Variants in MINDY4B observed in about 807,000 individuals in gnomAD.
MINDY4B encodes the protein MINDY family member 4B.
MINDY4B carries 25 observed loss-of-function variants against 16.7 expected under a neutral mutation model. The ratio of observed to expected loss-of-function variants is 1.49; its 90% CI spans 1.09 to 2.09. The LOEUF is 2.09. Among genes scored for constraint, MINDY4B ranks in the 30% most tolerant of loss-of-function variants. The probability of loss-of-function intolerance (pLI) is 0.00; values close to 1 mark genes in which losing one functional copy is unlikely to be tolerated. For missense variants in MINDY4B, 327 were observed against 168.4 expected, an observed-to-expected ratio of 1.94 and a Z score of -5.21; for synonymous variants, 132 against 61.9, an observed-to-expected ratio of 2.13 and a Z score of -5.32.
intron 7 of MINDY4B, among the ~76,000 whole-genome samples, chr3:150,889,568 C>T (rs1009391773): frequency 1.3e-5 from 2 of 152,074 alleles, no homozygotes; most frequent in Admixed American, 6.5e-5. Flanking sequence ...GTTTGGACTT[C>T]TTTAGGGGGA....
Position 150,873,172 on chromosome 3 carries a change from G to A in MINDY4B, c.1240+15C>T. 1.4e-6 allele frequency: 1 copy of A among 699,632 alleles called. No homozygotes were observed. The highest frequency in any genetic ancestry group is 1.7e-5 in the African/African-American group (1 of 57,194). 43.3% of individuals were successfully genotyped at this position (699,632 alleles called of 1,614,324 possible). On this transcript the variant is annotated intron_variant, in intron 11 of 11. Coordinates refer to ENST00000465419, the MANE Select transcript of MINDY4B (RefSeq NM_001351281.2). The stretch of plus-strand genomic sequence containing the variant: ...CACATTAAAATCCACAACACCTGGA[G>A]TCTGAAATGCTCACCTATTGTAAGA...
intron 10 of MINDY4B, among the ~76,000 whole-genome samples, chr3:150,881,950 A>G (rs1711527744): frequency 6.6e-6 from 1 of 152,178 alleles, no homozygotes; most frequent in African/African-American, 2.4e-5. Context: ...ATGAAGCCCT[A>G]TATACATGAA....
intron 10 of MINDY4B, among the ~76,000 whole-genome samples, chr3:150,879,479 A>G (rs1202047495): frequency 6.6e-6 from 1 of 152,174 alleles, no homozygotes; most frequent in Non-Finnish European, 1.5e-5. Context: ...CTGCTCTGGA[A>G]CAGAGGTTTC....
chr3:150,892,654 AG>A (rs1711846615), intron 5 of MINDY4B, among the ~76,000 whole-genome samples: 1 of 152,072 alleles, frequency 6.6e-6, no homozygotes, highest in Non-Finnish European at 1.5e-5. Flanking sequence ...CTGGTTAAAT[AG>A]GAGGATTGGC....
rs111597680 is a variant in MINDY4B at position 150,894,200 on chromosome 3, G to T, written c.415C>A (p.Leu139Met). Reference protein sequence around the residue: ...HDPSSELAFTLEVGKGGARSI... With the variant: ...HDPSSELAFTMEVGKGGARSI... ...CTGGCTATTACCTTTCCCACTTCCAGAGTGAAAGCTAGTTCAGAAGAAGGA... is the reference window on the plus strand; with the variant it reads ...CTGGCTATTACCTTTCCCACTTCCATAGTGAAAGCTAGTTCAGAAGAAGGA... The change falls in exon 4 of 12, where the codon CTG (leucine) becomes ATG (methionine). Residue 139 changes from leucine to methionine, a missense_variant. Physicochemically the swap from Leu to Met is conservative, Grantham distance 15. Coordinates refer to ENST00000465419, the MANE Select transcript of MINDY4B (RefSeq NM_001351281.2). 2 of 695,956 alleles carry T rather than the reference G, an allele frequency of 2.9e-6. No homozygotes were observed. Among genetic ancestry groups the T allele is most frequent in the African/African-American group, 1.8e-5 (1 of 56,818 alleles). 43.1% of individuals were successfully genotyped at this position (695,956 alleles called of 1,614,324 possible).
chr3:150,878,312 T>C (rs1559964416), intron 10 of MINDY4B, among the ~76,000 whole-genome samples: 2 of 152,232 alleles, frequency 1.3e-5, no homozygotes, highest in Non-Finnish European at 2.9e-5. Context: ...TGAGCTGATA[T>C]GAAAAAGCAC....
intron 3 of MINDY4B, among the ~76,000 whole-genome samples, chr3:150,896,303 T>C (rs994098962): frequency 7.9e-5 from 12 of 152,172 alleles, no homozygotes; most frequent in African/African-American, 2.7e-4. Context: ...TTTCCTTACA[T>C]TGGGCTTCAC....
At position 150,870,802 on chromosome 3, in the gene MINDY4B, A is replaced by G. The variant is rs1232742287; in HGVS notation, c.*243T>C. On this transcript the variant is annotated 3_prime_UTR_variant, in exon 12 of 12. Coordinates refer to ENST00000465419, the MANE Select transcript of MINDY4B (RefSeq NM_001351281.2). ...TTGAATAAAAGAAAGAAACCAGTCT[A>G]TGTGACTACGGAGGAGGCACCATGC... Among the ~76,000 whole-genome samples, 1 of 152,232 alleles carries G rather than the reference A, an allele frequency of 6.6e-6. No homozygotes were observed. Among genetic ancestry groups the G allele is most frequent in the African/African-American group, 2.4e-5 (1 of 41,462 alleles).
chr3:150,878,832 A>G (rs992562029), intron 10 of MINDY4B, among the ~76,000 whole-genome samples: 1 of 151,980 alleles, frequency 6.6e-6, no homozygotes, highest in African/African-American at 2.4e-5. Flanking sequence ...CCACTTTATC[A>G]TTGGTGGATA....
At position 150,905,412 on chromosome 3, in the gene MINDY4B, G is replaced by T. The variant is rs899139148; in HGVS notation, c.28C>A (p.Gln10Lys). ...TCTAAATCCAGCTGTTCGGAGCTTT[G>T]TTCCTGGCCCAAGACCTCCATATCC... MDMEVLGQE[Q>K]SSEQLDLEEI... Residue 10 changes from glutamine to lysine, a missense_variant, in exon 1 of 12, where the codon CAA becomes AAA. By Grantham distance (53) the Gln-to-Lys change is moderately conservative. Coordinates refer to ENST00000465419, the MANE Select transcript of MINDY4B (RefSeq NM_001351281.2). 2.5e-6 allele frequency: 1 copy of T among 398,352 alleles called. No individual in the cohort carries two copies. Among genetic ancestry groups the T allele is most frequent in the African/African-American group, 2.1e-5 (1 of 48,608 alleles). 24.7% of individuals were successfully genotyped at this position (398,352 alleles called of 1,614,324 possible).
At chr3:150,885,298 T>C (rs7649641) in intron 8 of MINDY4B, 70 bp downstream of exon 8, 46,661 of 676,508 alleles carry the variant, frequency 0.069, 3,276 homozygotes, top group African/African-American at 0.29. Context: ...GATTTTTCAA[T>C]ACAAGAGTAC....
At chr3:150,891,836 C>G (rs1711817580) in intron 5 of MINDY4B, among the ~76,000 whole-genome samples, 1 of 146,710 alleles carries the variant, frequency 6.8e-6, no homozygotes, top group Non-Finnish European at 1.5e-5. Context: ...ATGAGAATAA[C>G]AGAGTGCTAT....
chr3:150,873,474 A>G, intron 10 of MINDY4B, 107 bp from the exon 11 acceptor site: 1 of 627,398 alleles, frequency 1.6e-6, no homozygotes, highest in Admixed American at 2.5e-5. Flanking sequence ...TTCTTGTTGC[A>G]CTTGTCGCGT....
At position 150,887,860 on chromosome 3, in the gene MINDY4B, G is replaced by A. The variant is rs1392717689; in HGVS notation, c.754-2422C>T. ...GCGGTGGCTCACGCCTGTAATCCCAGCACTTTGGGAGGTTGAGGCGGGCGG... is the reference window on the plus strand; with the variant it reads ...GCGGTGGCTCACGCCTGTAATCCCAACACTTTGGGAGGTTGAGGCGGGCGG... On this transcript the variant is annotated intron_variant, in intron 7 of 11. Transcript: ENST00000465419. Among the ~76,000 whole-genome samples the A allele has an allele frequency of 2.6e-5, 4 of 152,272 alleles. No individual in the cohort carries two copies. In the East Asian group the frequency reaches 7.7e-4, roughly 29 times the overall value.
At chr3:150,877,239 A>G (rs75142343) in intron 10 of MINDY4B, among the ~76,000 whole-genome samples, 2,766 of 152,280 alleles carry the variant, frequency 0.018, 77 homozygotes, top group African/African-American at 0.063. Flanking sequence ...TTTCTTCTGA[A>G]CTAAGAAATC....
intron 5 of MINDY4B, among the ~76,000 whole-genome samples, chr3:150,891,398 G>A (rs1373713988): frequency 2.0e-5 from 3 of 152,236 alleles, no homozygotes; most frequent in East Asian, 1.9e-4. Flanking sequence ...AAAGAAACAC[G>A]CGATAAAGAT....
intron 3 of MINDY4B, among the ~76,000 whole-genome samples, chr3:150,902,855 C>T (rs1205601429): frequency 6.6e-6 from 1 of 152,226 alleles, no homozygotes; most frequent in African/African-American, 2.4e-5. Context: ...AGCTCTCTCC[C>T]TCCTGCATGC....
chr3:150,897,342 T>C (rs1712001385), intron 3 of MINDY4B, among the ~76,000 whole-genome samples: 1 of 151,330 alleles, frequency 6.6e-6, no homozygotes, highest in African/African-American at 2.4e-5. Context: ...TGTGTGTGTG[T>C]GTGTGTGTGT....
At chr3:150,896,799 A>G (rs1312484935) in intron 3 of MINDY4B, among the ~76,000 whole-genome samples, 3 of 152,238 alleles carry the variant, frequency 2.0e-5, no homozygotes, top group African/African-American at 4.8e-5. Context: ...GGTGAAATCT[A>G]TCTAATTAAT....
Sources: allele counts gnomAD v4.1 joint callset (sites outside exome capture counted in the v4.1 genomes callset), GRCh38; gene constraint gnomAD v4.1.1; transcripts MANE v1.5; gene names NCBI Gene and HGNC (gene_info 2026-07-23, HGNC 2026-07-21).